Variants in SLC9A3 observed in about 807,000 individuals in gnomAD.
SLC9A3 encodes solute carrier family 9 member A3, also known as sodium/hydrogen exchanger 3.
SLC9A3 carries 37 observed loss-of-function variants against 86.8 expected under a neutral mutation model. The ratio of observed to expected loss-of-function variants is 0.43; its 90% CI spans 0.33 to 0.56. The LOEUF (loss-of-function observed/expected upper bound fraction) is 0.56. SLC9A3 is among the 20% of genes least tolerant of loss of function. The pLI is 0.06. For synonymous variants in SLC9A3, 581 were observed against 528.3 expected (o/e 1.10, Z -1.37); for missense variants, 1,011 against 1,171.9 (o/e 0.86, Z 2.00).
chr5:482,518 G>A (rs1177929372), intron 7 of SLC9A3, 30 bp downstream of exon 7: 4 of 1,575,772 alleles, frequency 2.5e-6, no homozygotes, highest in Non-Finnish European at 3.5e-6. Context: ...GCGGGGCCGA[G>A]ACCCCAGGGC....
chr5:473,160 G>GCAGGCCCCGCCCCCGGCT lies in SLC9A3; in HGVS notation c.*201_*218dup. On this transcript the variant is annotated 3_prime_UTR_variant, in exon 17 of 17. Coordinates refer to ENST00000264938, the MANE Select transcript of SLC9A3 (RefSeq NM_004174.4). ...TCGGCGCTCCGGCCCCGCCCCCGGC[G>GCAGGCCCCGCCCCCGGCT]CAGGCCCCGCCCCCGGCTCGCCCTC... 4.9e-6 allele frequency: 2 copies of GCAGGCCCCGCCCCCGGCT among 404,094 alleles called. No individual in the cohort carries two copies. The highest frequency in any genetic ancestry group is 7.9e-6 in the Non-Finnish European group (2 of 253,064). 25.0% of individuals were successfully genotyped at this position (404,094 alleles called of 1,614,324 possible). A position where few individuals can be genotyped will look rare whatever the true frequency, so the allele number is the denominator to read the frequency against.
intron 12 of SLC9A3, 75 bp downstream of exon 12, chr5:476,468 G>T: frequency 1.2e-6 from 2 of 1,603,098 alleles, no homozygotes; most frequent in South Asian, 1.1e-5. Flanking sequence ...ATCCCCCGTG[G>T]TCCCAGGAGG....
At chr5:485,925 G>T (rs1739441132) in intron 3 of SLC9A3, among the ~76,000 whole-genome samples, 1 of 152,184 alleles carries the variant, frequency 6.6e-6, no homozygotes, top group South Asian at 2.1e-4. Context: ...TGAAAATCCA[G>T]CTGGGAGGGA....
intron 1 of SLC9A3, among the ~76,000 whole-genome samples, chr5:516,868 A>G (rs1733745529): frequency 6.6e-6 from 1 of 152,230 alleles, no homozygotes; most frequent in Non-Finnish European, 1.5e-5. Context: ...TGTGCTGCTC[A>G]CTGGAGGCTC....
intron 1 of SLC9A3, among the ~76,000 whole-genome samples, chr5:493,828 C>T (rs932268422): frequency 3.3e-5 from 5 of 152,246 alleles, no homozygotes; most frequent in African/African-American, 1.2e-4. Context: ...ACGGCTCCCC[C>T]ACTCCGGGCT....
Position 491,691 on chromosome 5 carries a change from C to T in SLC9A3, c.514+78G>A. 1 of 1,343,906 alleles carries T rather than the reference C, an allele frequency of 7.4e-7. No homozygotes were observed. The highest frequency in any genetic ancestry group is 1.0e-6 in the Non-Finnish European group (1 of 999,360). The allele number at this position is 1,343,906 out of a possible 1,614,324, so 83.2% of individuals were successfully genotyped here. On this transcript the variant is annotated intron_variant, in intron 2 of 16. Transcript: ENST00000264938. This position sits in a 1 kb window ranked among gnomAD's most constrained non-coding sequence, Gnocchi z 9.2. ...TGGAGGCCAGGGTGCGGCACCCCGA[C>T]CTTTCTGAGATGAGGCAGCGCCGCC...
At chr5:488,798 A>G (rs1739587530) in intron 2 of SLC9A3, among the ~76,000 whole-genome samples, 2 of 152,320 alleles carry the variant, frequency 1.3e-5, no homozygotes, top group African/African-American at 4.8e-5. Context: ...ATGGGGGCCC[A>G]TCGCCTGGAG....
chr5:507,163 C>CTGCTTTTTTTTTTTTTTTTTTTTTTTT (rs1553999262), intron 1 of SLC9A3, among the ~76,000 whole-genome samples: 2 of 34,754 alleles, frequency 5.8e-5, no homozygotes, highest in Non-Finnish European at 5.6e-5. Flanking sequence ...CCGGCTGCTG[C>CTGCTTTTTTTTTTTTTTTTTTTTTTTT]TTCTTTTTTT....
In SLC9A3 at chr5:497,684, C is replaced by T. The variant is rs546866437; in HGVS notation, c.212-5613G>A. ...CCCCCCTGAGCCGCTGACCCTGACC[C>T]CTGGGAGTGAAGCCTCATCTGCCCC... On this transcript the variant is annotated intron_variant, in intron 1 of 16. Transcript: ENST00000264938. The surrounding 1 kb of genome is among the most constrained non-coding windows in gnomAD (Gnocchi z 5.4). 6.6e-6 allele frequency among the ~76,000 whole-genome samples: 1 copy of T among 152,126 alleles called. No homozygotes were observed. Among genetic ancestry groups the T allele is most frequent in the African/African-American group, 2.4e-5 (1 of 41,426 alleles).
chr5:508,255 G>T (rs548897361), intron 1 of SLC9A3, among the ~76,000 whole-genome samples: 5 of 151,160 alleles, frequency 3.3e-5, no homozygotes, highest in Non-Finnish European at 5.9e-5. Flanking sequence ...TGGAGATGCC[G>T]CAGAGAGACG....
intron 6 of SLC9A3, 113 bp downstream of exon 6, chr5:483,149 C>T (rs1041193001): frequency 1.2e-6 from 1 of 831,356 alleles, no homozygotes; most frequent in Non-Finnish European, 1.9e-6. Flanking sequence ...CTCTCCTCTG[C>T]CTTGCACGGG....
intron 1 of SLC9A3, among the ~76,000 whole-genome samples, chr5:498,067 T>C (rs6555316): frequency 0.32 from 45,171 of 142,540 alleles, 8,130 homozygotes; most frequent in South Asian, 0.48. Context: ...GGTCGCTCTA[T>C]CTTATCTTTT....
rs1739269459 is a variant in SLC9A3 at position 482,735 on chromosome 5, G to A, written c.1169C>T (p.Thr390Ile). Residue 390 changes from threonine (T) to isoleucine (I), a missense_variant, in exon 7 of 17, where the codon ACC (threonine) becomes ATC (isoleucine). Physicochemically the swap from Thr to Ile is moderately conservative, Grantham distance 89. Around this residue, in one of 3 missense-constraint regions of SLC9A3, gnomAD observed 565 missense variants for 790.0 expected, o/e 0.72. Coordinates refer to ENST00000264938, the MANE Select transcript of SLC9A3 (RefSeq NM_004174.4). ...CATGCGGTAGCGGTTCAGAAGCCAG[G>A]TCTGCAGGACCACACCTGCGGATGA... ...VYRAIGVVLQTWLLNRYRMVQ... is the reference protein window; with the variant it reads ...VYRAIGVVLQIWLLNRYRMVQ... 2 of 1,606,242 alleles carry A rather than the reference G, an allele frequency of 1.2e-6. No individual in the cohort carries two copies. The highest frequency in any genetic ancestry group is 1.1e-5 in the South Asian group (1 of 90,170).
At chr5:484,978 G>T (rs1739397201) in intron 4 of SLC9A3, among the ~76,000 whole-genome samples, 175 bp downstream of exon 4, 1 of 152,262 alleles carries the variant, frequency 6.6e-6, no homozygotes, top group South Asian at 2.1e-4. Flanking sequence ...GGAACCCCCA[G>T]GACCATGTCA....
At chr5:493,153 G>A (rs1560962424) in intron 1 of SLC9A3, among the ~76,000 whole-genome samples, 1 of 152,146 alleles carries the variant, frequency 6.6e-6, no homozygotes, top group African/African-American at 2.4e-5. Context: ...CCTGCGCTCG[G>A]CCTGATTTCA....
At position 473,162 on chromosome 5, in the gene SLC9A3, A is replaced by AGGCCCCGCCCCCGGCGCG; in HGVS notation, c.*216_*217insCGCGCCGGGGGCGGGGCC. On this transcript the variant is annotated 3_prime_UTR_variant, in exon 17 of 17. Transcript: ENST00000264938. ...GGCGCTCCGGCCCCGCCCCCGGCGCAGGCCCCGCCCCCGGCTCGCCCTCGG... is the reference window on the plus strand; with the variant it reads ...GGCGCTCCGGCCCCGCCCCCGGCGCAGGCCCCGCCCCCGGCGCGGGCCCCGCCCCCGGCTCGCCCTCGG... The AGGCCCCGCCCCCGGCGCG allele has an allele frequency of 7.4e-6, 3 of 407,740 alleles. No individual in the cohort carries two copies. Among genetic ancestry groups the AGGCCCCGCCCCCGGCGCG allele is most frequent in the Non-Finnish European group, 1.2e-5 (3 of 255,280 alleles). The allele number at this position is 407,740 out of a possible 1,614,324, so 25.3% of individuals were successfully genotyped here.
At chr5:485,357 A>G (rs1008642249) in intron 3 of SLC9A3, 126 bp from the exon 4 acceptor site, 16 of 750,564 alleles carry the variant, frequency 2.1e-5, no homozygotes, top group Non-Finnish European at 7.1e-6. Context: ...TGGAAGGAAA[A>G]TCATCACAGG....
intron 2 of SLC9A3, among the ~76,000 whole-genome samples, chr5:489,142 G>A (rs1739607875): frequency 6.6e-6 from 1 of 152,206 alleles, no homozygotes. Flanking sequence ...AGGCCACGTG[G>A]GGGTGCCAGG....
chr5:490,727 C>T (rs888993930), intron 2 of SLC9A3, among the ~76,000 whole-genome samples: 6 of 152,200 alleles, frequency 3.9e-5, no homozygotes, highest in African/African-American at 7.2e-5. Flanking sequence ...CCCTTGGGTG[C>T]GGTGGCTAGG....
Sources: gnomAD v4.1 joint callset for allele counts (sites outside exome capture counted in the v4.1 genomes callset) on GRCh38, gnomAD v4.1.1 for gene constraint, gnomAD v4.1.1 regional missense constraint, Gnocchi (gnomAD v3.1) non-coding constraint, MANE v1.5 for transcripts, NCBI Gene and HGNC (gene_info 2026-07-23, HGNC 2026-07-21) for gene names.